NFXL1: variants seen among roughly 807,000 people sequenced by gnomAD.
NFXL1 encodes the protein nuclear transcription factor, X-box binding like 1.
Under a neutral mutation model 123.3 loss-of-function variants are expected in NFXL1, and 66 were observed. That is an observed-to-expected ratio of 0.54 (90% CI 0.44 to 0.66). The LOEUF (loss-of-function observed/expected upper bound fraction) is 0.66, where lower values mean the gene tolerates loss of function less well. NFXL1 is among the 30% of genes least tolerant of loss of function. NFXL1 has a pLI of 0.00. For missense variants in NFXL1, 944 were observed against 1,125.6 expected (o/e 0.84, Z 2.31); for synonymous variants, 346 against 360.8 (o/e 0.96, Z 0.46).
intron 19 of NFXL1, among the ~76,000 whole-genome samples, chr4:47,861,151 A>T (rs931694453): frequency 6.6e-6 from 1 of 150,776 alleles, no homozygotes; most frequent in African/African-American, 2.4e-5. Flanking sequence ...ATGAGCCACC[A>T]TGCCCGGCCC....
Position 47,899,516 on chromosome 4 carries a change from T to C in NFXL1, c.680A>G (p.Glu227Gly). 1 of 1,612,794 alleles carries C rather than the reference T, an allele frequency of 6.2e-7. No homozygotes were observed. The highest frequency in any genetic ancestry group is 8.5e-7 in the Non-Finnish European group (1 of 1,178,984). Residue 227 changes from glutamate to glycine, a missense_variant, in exon 6 of 23, where the codon GAA (glutamate) becomes GGA (glycine). By Grantham distance (98) the Glu-to-Gly change is moderately conservative. Transcript: ENST00000507489. ...ATAGCAATAGTACCTACTAGGTGTTTCAGATCGTTTGTATTCAAACCTACA... is the reference window on the plus strand; with the variant it reads ...ATAGCAATAGTACCTACTAGGTGTTCCAGATCGTTTGTATTCAAACCTACA... ...PKCRFEYKRS[E>G]TPSRYYCYCG...
chr4:47,873,492 G>C (rs1171448198), intron 18 of NFXL1, among the ~76,000 whole-genome samples: 6 of 152,178 alleles, frequency 3.9e-5, no homozygotes, highest in Non-Finnish European at 7.3e-5. Context: ...TCATCTCCTT[G>C]TATATCTCCA....
intron 18 of NFXL1, among the ~76,000 whole-genome samples, chr4:47,868,903 ACAG>A (rs1227130190): frequency 6.6e-6 from 1 of 152,318 alleles, no homozygotes; most frequent in East Asian, 1.9e-4. Context: ...AGCAAAAACT[ACAG>A]CAGCTGCAAA....
At chr4:47,887,199 A>T (rs1488271068) in intron 12 of NFXL1, among the ~76,000 whole-genome samples, 2 of 152,200 alleles carry the variant, frequency 1.3e-5, no homozygotes, top group Non-Finnish European at 2.9e-5. Context: ...TTTCCCAGTA[A>T]GGAACTCTAT....
At chr4:47,891,971 T>C (rs1056599920) in intron 11 of NFXL1, among the ~76,000 whole-genome samples, 24 of 152,102 alleles carry the variant, frequency 1.6e-4, no homozygotes, top group South Asian at 6.2e-4. Flanking sequence ...GTTTATTCAA[T>C]TAGACAAGTG....
At chr4:47,888,142 C>T (rs1484520868) in intron 12 of NFXL1, among the ~76,000 whole-genome samples, 1 of 152,090 alleles carries the variant, frequency 6.6e-6, no homozygotes, top group Non-Finnish European at 1.5e-5. Context: ...GACATGGTGG[C>T]ATATGCCTGT....
intron 4 of NFXL1, 96 bp from the exon 5 acceptor site, chr4:47,903,419 GCTAC>G: frequency 1.1e-5 from 8 of 732,916 alleles, no homozygotes; most frequent in Non-Finnish European, 1.6e-5. Context: ...ATTTTCAAGA[GCTAC>G]CTAAGGATTA....
At chr4:47,870,978 A>G (rs1332340822) in intron 18 of NFXL1, among the ~76,000 whole-genome samples, 1 of 152,268 alleles carries the variant, frequency 6.6e-6, no homozygotes, top group Non-Finnish European at 1.5e-5. Context: ...CCACTGGTTC[A>G]TGCCAGTATT....
chr4:47,870,052 A>G (rs1735335121), intron 18 of NFXL1, among the ~76,000 whole-genome samples: 1 of 152,168 alleles, frequency 6.6e-6, no homozygotes, highest in Non-Finnish European at 1.5e-5. Context: ...AGAGAAAGTT[A>G]TCAAAAACAA....
chr4:47,912,457 C>A (rs1578046598), intron 2 of NFXL1, among the ~76,000 whole-genome samples: 1 of 114,724 alleles, frequency 8.7e-6, no homozygotes, highest in Admixed American at 1.2e-4. Flanking sequence ...TTTTTCTTTT[C>A]TTTCTTTTTT....
chr4:47,862,964 CATA>C (rs1734849695), intron 18 of NFXL1, 49 bp from the exon 19 acceptor site: 1 of 971,856 alleles, frequency 1.0e-6, no homozygotes, highest in African/African-American at 1.7e-5. Context: ...CATTTTATAG[CATA>C]ATTTTTCTAA....
chr4:47,910,884 A>G lies in NFXL1; in HGVS notation c.346T>C (p.Phe116Leu), dbSNP rs772585583. Residue 116 changes from phenylalanine (F) to leucine (L), a missense_variant, in exon 3 of 23, where the codon TTT (phenylalanine) becomes CTT (leucine). Coordinates refer to ENST00000507489, the MANE Select transcript of NFXL1 (RefSeq NM_001278624.2). ...SSSSEEGDED[F>L]EGKQGKILAN... ...AGTATTTTTCCCTGTTTTCCTTCAA[A>G]ATCTTCATCTCCTTCTTCAGATGAA... 2 of 1,602,622 alleles carry G rather than the reference A, an allele frequency of 1.2e-6. No individual in the cohort carries two copies. The highest frequency in any genetic ancestry group is 1.1e-5 in the South Asian group (1 of 89,038).
intron 14 of NFXL1, among the ~76,000 whole-genome samples, chr4:47,884,816 T>C (rs1481570839): frequency 6.6e-6 from 1 of 152,122 alleles, no homozygotes; most frequent in Non-Finnish European, 1.5e-5. Context: ...TGATATTTAG[T>C]AAGGGCTCAA....
At position 47,847,304 on chromosome 4, in the gene NFXL1, G is replaced by A. The variant is rs1398329778; in HGVS notation, c.*859C>T. On this transcript the variant is annotated 3_prime_UTR_variant, in exon 23 of 23. Transcript: ENST00000507489. ...AATTAAATAGCAAAACTATTTGAAAGGAATTATAATTCAAACAGATTTGAC... is the reference window on the plus strand; with the variant it reads ...AATTAAATAGCAAAACTATTTGAAAAGAATTATAATTCAAACAGATTTGAC... 1 of 151,960 alleles carries A rather than the reference G, an allele frequency of 6.6e-6. No homozygotes were observed. Among genetic ancestry groups the A allele is most frequent in the East Asian group, 1.9e-4 (1 of 5,190 alleles). 9.4% of individuals were successfully genotyped at this position (151,960 alleles called of 1,614,324 possible).
intron 15 of NFXL1, among the ~76,000 whole-genome samples, chr4:47,882,721 T>C (rs1390346726): frequency 1.5e-5 from 1 of 65,510 alleles, no homozygotes. Context: ...CATTTTCAGA[T>C]TGTTTGTTTC....
Position 47,897,189 on chromosome 4 carries a change from GT to G in NFXL1, c.1205-543del, listed in dbSNP as rs564613492. Among the ~76,000 whole-genome samples, 102 of 152,188 alleles carry G rather than the reference GT, an allele frequency of 6.7e-4. No homozygotes were observed. In the South Asian group the frequency reaches 0.013, roughly 19 times the overall value. On this transcript the variant is annotated intron_variant, in intron 9 of 22. Transcript: ENST00000507489. Reference sequence around the variant, plus strand: ...GAGCCAGGCATGGTGACAGGTGCCTGTATTCCCAGCTACTGAGACGGCTGAG... The same window carrying G: ...GAGCCAGGCATGGTGACAGGTGCCTGATTCCCAGCTACTGAGACGGCTGAG...
rs541782691 is a variant in NFXL1 at position 47,908,766 on chromosome 4, T to C, written c.406+2058A>G. Among the ~76,000 whole-genome samples, 171 of 151,860 alleles carry C rather than the reference T, an allele frequency of 1.1e-3. No individual in the cohort carries two copies. In the Middle Eastern group the frequency reaches 0.014, roughly 12 times the overall value. ...GTCAGGAGATCAAGACCATCCTGGC[T>C]AACACAGTAAAACCCCGTCTCTACT... is the stretch of plus-strand genomic sequence containing the variant. On this transcript the variant is annotated intron_variant, in intron 3 of 22. Transcript: ENST00000507489.
intron 10 of NFXL1, 29 bp from the exon 11 acceptor site, chr4:47,894,331 AT>A (rs1255801413): frequency 2.0e-6 from 3 of 1,526,646 alleles, no homozygotes; most frequent in Non-Finnish European, 2.6e-6. Context: ...TGCTATTAAA[AT>A]TGATTTTTGT....
intron 5 of NFXL1, among the ~76,000 whole-genome samples, chr4:47,902,910 CT>C (rs953906174): frequency 1.4e-4 from 22 of 152,268 alleles, no homozygotes; most frequent in African/African-American, 4.8e-4. Flanking sequence ...CTAGTTGGCA[CT>C]TTGGGATTTT....
Sources: gnomAD v4.1 joint callset for allele counts (sites outside exome capture counted in the v4.1 genomes callset) on GRCh38, gnomAD v4.1.1 for gene constraint, MANE v1.5 for transcripts, NCBI Gene and HGNC (gene_info 2026-07-23, HGNC 2026-07-21) for gene names.